Variants in TTPA observed in about 807,000 individuals in gnomAD.
The protein encoded by TTPA is alpha tocopherol transfer protein, also known as alpha-tocopherol transfer protein.
In TTPA, 23 loss-of-function variants were observed where a neutral mutation model predicts 25.9. That is an observed-to-expected ratio of 0.89 (90% CI 0.64 to 1.26). The LOEUF (loss-of-function observed/expected upper bound fraction) is 1.26, where lower values mean the gene tolerates loss of function less well. TTPA is among the 50% of genes most tolerant of loss of function. The pLI is 0.00. For missense variants in TTPA, 337 were observed against 353.1 expected (o/e 0.95, Z 0.37); for synonymous variants, 148 against 137.3 (o/e 1.08, Z -0.54).
At chr8:63,076,683 A>C (rs1220638416) in intron 1 of TTPA, among the ~76,000 whole-genome samples, 4 of 152,202 alleles carry the variant, frequency 2.6e-5, no homozygotes. Context: ...TAAAGCAGCT[A>C]AAATGAAATT....
chr8:63,078,029 C>T (rs1805595287), intron 1 of TTPA, among the ~76,000 whole-genome samples: 1 of 152,188 alleles, frequency 6.6e-6, no homozygotes, highest in Admixed American at 6.5e-5. Context: ...TCGCTGGTGA[C>T]ACCCAGGCAA....
chr8:63,071,846 C>A (rs1805488417), intron 2 of TTPA, among the ~76,000 whole-genome samples: 1 of 152,166 alleles, frequency 6.6e-6, no homozygotes, highest in Admixed American at 6.6e-5. Context: ...TTGGATTTCC[C>A]AGCCTCCAGA....
At chr8:63,072,852 GAAGA>G (rs1298249960) in intron 2 of TTPA, 79 bp downstream of exon 2, 4 of 1,506,770 alleles carry the variant, frequency 2.7e-6, no homozygotes, top group Non-Finnish European at 3.7e-6. Flanking sequence ...GGAAGAAATG[GAAGA>G]AAGAGAGAAG....
At chr8:63,066,968 G>T (rs1317974831) in intron 2 of TTPA, among the ~76,000 whole-genome samples, 1 of 151,924 alleles carries the variant, frequency 6.6e-6, no homozygotes, top group Admixed American at 6.6e-5. Context: ...CCAGCTACTC[G>T]GGTGGCTGAG....
At chr8:63,080,645 C>T (rs1262782047) in intron 1 of TTPA, among the ~76,000 whole-genome samples, 3 of 150,456 alleles carry the variant, frequency 2.0e-5, no homozygotes, top group African/African-American at 4.9e-5. Flanking sequence ...GGCGTGAACC[C>T]AGGAGGCAGA....
chr8:63,083,969 C>T (rs1241973337), intron 1 of TTPA, among the ~76,000 whole-genome samples: 2 of 151,652 alleles, frequency 1.3e-5, no homozygotes, highest in African/African-American at 4.8e-5. Context: ...TCTGCAACCT[C>T]CACCTCCTGG....
downstream of TTPA, among the ~76,000 whole-genome samples, chr8:63,059,020 G>GTTTTTTTTTTTTTTTTT (rs35335226): frequency 1.5e-5 from 1 of 67,144 alleles, no homozygotes; most frequent in African/African-American, 6.0e-5. Context: ...GCAGGGTCCA[G>GTTTTTTTTTTTTTTTTT]TTTTTTTTTT....
chr8:63,069,156 AAAAACAAAAC>A (rs879621073), intron 2 of TTPA, among the ~76,000 whole-genome samples: 5 of 152,232 alleles, frequency 3.3e-5, no homozygotes, highest in South Asian at 2.1e-4. Flanking sequence ...TCTGTCTCAA[AAAAACAAAAC>A]AAAACAAAAC....
At chr8:63,065,041 T>C (rs1805367720) in intron 3 of TTPA, among the ~76,000 whole-genome samples, 1 of 152,240 alleles carries the variant, frequency 6.6e-6, no homozygotes, top group Non-Finnish European at 1.5e-5. Flanking sequence ...AATACAGCTT[T>C]TGCAAATATC....
At chr8:63,064,069 G>C in intron 4 of TTPA, 137 bp downstream of exon 4, 1 of 629,734 alleles carries the variant, frequency 1.6e-6, no homozygotes, top group Non-Finnish European at 2.8e-6. Flanking sequence ...TAGTTGGCTT[G>C]TTAGATAAAT....
chr8:63,072,241 T>C (rs1805494011), intron 2 of TTPA, among the ~76,000 whole-genome samples: 2 of 152,028 alleles, frequency 1.3e-5, no homozygotes, highest in Admixed American at 1.3e-4. Flanking sequence ...GGAGTTTACA[T>C]TATAGCCCAG....
At position 63,072,977 on chromosome 8, in the gene TTPA, A is replaced by AT; in HGVS notation, c.315dup (p.Ser106IlefsTer26). 6.2e-7 allele frequency: 1 copy of AT among 1,614,102 alleles called. No individual in the cohort carries two copies. The highest frequency in any genetic ancestry group is 8.5e-7 in the Non-Finnish European group (1 of 1,180,014). ...ACTTTGCTGCCAGTGGGATCCCTGG[A>AT]TCTCAGGACTCCATGGTAGCCAGCC... On this transcript the variant is annotated frameshift_variant, in exon 2 of 5. Coordinates refer to ENST00000260116, the MANE Select transcript of TTPA (RefSeq NM_000370.3). LOFTEE classifies it high-confidence loss of function.
At chr8:63,074,436 C>A (rs1278425716) in intron 1 of TTPA, among the ~76,000 whole-genome samples, 2 of 152,100 alleles carry the variant, frequency 1.3e-5, no homozygotes, top group South Asian at 2.1e-4. Flanking sequence ...ATTTAATAAA[C>A]CTTTCTTAAC....
rs376126799 is a variant in TTPA at position 63,072,902 on chromosome 8, A to G, written c.358+33T>C. On this transcript the variant is annotated intron_variant, in intron 2 of 4. Coordinates refer to ENST00000260116, the MANE Select transcript of TTPA (RefSeq NM_000370.3). ...AGGGAACACAACTGAACTGGAGGAG[A>G]GGAGAAAAAAAAAAGAGTTGTGTAT... 4 of 1,612,714 alleles carry G rather than the reference A, an allele frequency of 2.5e-6. No homozygotes were observed. The African/African-American group carries it at 5.3e-5, about 22-fold the overall frequency.
chr8:63,062,412 A>G (rs1044401491), intron 4 of TTPA, among the ~76,000 whole-genome samples: 1 of 152,218 alleles, frequency 6.6e-6, no homozygotes, highest in Non-Finnish European at 1.5e-5. Flanking sequence ...TATGTATTCA[A>G]CAATCATTTA....
At chr8:63,081,485 C>T (rs887652027) in intron 1 of TTPA, among the ~76,000 whole-genome samples, 3 of 152,276 alleles carry the variant, frequency 2.0e-5, no homozygotes, top group South Asian at 2.1e-4. Flanking sequence ...ATTTATGGAA[C>T]GTATCTCAAA....
chr8:63,070,837 G>C (rs1435826204), intron 2 of TTPA, among the ~76,000 whole-genome samples: 1 of 152,098 alleles, frequency 6.6e-6, no homozygotes, highest in Non-Finnish European at 1.5e-5. Flanking sequence ...ATTAGCTGCA[G>C]GTTTCAGTTT....
chr8:63,073,180 T>C, intron 1 of TTPA, 92 bp from the exon 2 acceptor site: 1 of 1,031,718 alleles, frequency 9.7e-7, no homozygotes. Flanking sequence ...TGTATAAACT[T>C]TGCCATCCAT....
chr8:63,078,169 C>T lies in TTPA; in HGVS notation c.205-5081G>A, dbSNP rs141222345. Among the ~76,000 whole-genome samples the T allele has an allele frequency of 5.6e-3, 855 of 152,262 alleles. 8 individuals carry two copies. Among genetic ancestry groups the T allele is most frequent in the African/African-American group, 0.02 (830 of 41,534 alleles). ...AACAAAAAGAACATCCACACCAAAA[C>T]CCCATGTGTAGGTCATGAACGTCAA... On this transcript the variant is annotated intron_variant, in intron 1 of 4. Coordinates refer to ENST00000260116, the MANE Select transcript of TTPA (RefSeq NM_000370.3).
Sources: allele counts gnomAD v4.1 joint callset (sites outside exome capture counted in the v4.1 genomes callset), GRCh38; gene constraint gnomAD v4.1.1; transcripts MANE v1.5; gene names NCBI Gene and HGNC (gene_info 2026-07-23, HGNC 2026-07-21).